Variants in LONRF1 observed in about 807,000 individuals in gnomAD.
LONRF1 encodes LON peptidase N-terminal domain and ring finger 1, also known as LON peptidase N-terminal domain and RING finger protein 1.
LONRF1 carries 37 observed loss-of-function variants against 85.8 expected under a neutral mutation model. The observed-to-expected ratio is 0.43, with a 90% CI of 0.33 to 0.57. LONRF1 has a LOEUF of 0.57. LONRF1 is among the 20% of genes least tolerant of loss of function. The pLI, the probability that LONRF1 is intolerant of heterozygous loss-of-function variation, is 0.04. For missense variants in LONRF1, 1,036 were observed against 978.0 expected (o/e 1.06, Z -0.79); for synonymous variants, 517 against 390.1 (o/e 1.33, Z -3.83).
rs117417373 is a variant in LONRF1, at chr8:12,748,245, C to T, written c.722-4963G>A. ...AAAGATCTAAGATCTCACTCTGTAG[C>T]CCAGGCTGGAGTGCAGTGGCATTAA... On this transcript the variant is annotated intron_variant, in intron 1 of 11. Transcript: ENST00000398246. Among the ~76,000 whole-genome samples, 431 of 152,280 alleles carry T rather than the reference C, an allele frequency of 2.8e-3. 4 individuals carry two copies. Among genetic ancestry groups the T allele is most frequent in the Middle Eastern group, 0.024 (7 of 294 alleles).
chr8:12,750,591 T>C (rs1329734727), intron 1 of LONRF1, among the ~76,000 whole-genome samples: 6 of 152,254 alleles, frequency 3.9e-5, no homozygotes, highest in Non-Finnish European at 7.3e-5. Context: ...AACTACTGTA[T>C]TGTTTAAATT....
intron 1 of LONRF1, among the ~76,000 whole-genome samples, chr8:12,743,701 T>C (rs970047874): frequency 6.6e-6 from 1 of 152,176 alleles, no homozygotes; most frequent in Non-Finnish European, 1.5e-5. Flanking sequence ...TAGCCATACG[T>C]GTAACTATTA....
At position 12,722,946 on chromosome 8, in the gene LONRF1, T is replaced by C; in HGVS notation, c.*150A>G. ...CTAAATCCTAGTTGAAGGTATTCAT[T>C]TGCAGAACCACATGATTCAGGAGGT... is the stretch of plus-strand genomic sequence containing the variant. On this transcript the variant is annotated 3_prime_UTR_variant, in exon 12 of 12. Transcript: ENST00000398246. 2 of 687,232 alleles carry C rather than the reference T, an allele frequency of 2.9e-6. No individual in the cohort carries two copies. The highest frequency in any genetic ancestry group is 4.8e-6 in the Non-Finnish European group (2 of 420,122). The allele number at this position is 687,232 out of a possible 1,614,324, so 42.6% of individuals were successfully genotyped here. A position where few individuals can be genotyped will look rare whatever the true frequency, so the allele number is the denominator to read the frequency against.
At chr8:12,733,693 C>A (rs960838903) in intron 7 of LONRF1, among the ~76,000 whole-genome samples, 1 of 152,016 alleles carries the variant, frequency 6.6e-6, no homozygotes, top group Non-Finnish European at 1.5e-5. Context: ...AACAAGAAAC[C>A]TTATATATCC....
At chr8:12,730,994 T>G (rs1222870669) in intron 8 of LONRF1, among the ~76,000 whole-genome samples, 2 of 151,572 alleles carry the variant, frequency 1.3e-5, no homozygotes, top group Non-Finnish European at 2.9e-5. Context: ...GTAAAAGAAA[T>G]AAAGAAATTA....
chr8:12,728,284 G>C (rs1798397301), intron 10 of LONRF1, among the ~76,000 whole-genome samples: 1 of 152,110 alleles, frequency 6.6e-6, no homozygotes, highest in African/African-American at 2.4e-5. Context: ...CCCTATTCTA[G>C]AAAGACATCA....
At chr8:12,751,312 T>TTG (rs1799392009) in intron 1 of LONRF1, among the ~76,000 whole-genome samples, 1 of 137,992 alleles carries the variant, frequency 7.2e-6, no homozygotes, top group Non-Finnish European at 1.6e-5. Flanking sequence ...TTTTTTTTTT[T>TTG]TTTTTTTTGA....
chr8:12,746,425 C>A (rs1799155334), intron 1 of LONRF1, among the ~76,000 whole-genome samples: 1 of 152,146 alleles, frequency 6.6e-6, no homozygotes, highest in Non-Finnish European at 1.5e-5. Flanking sequence ...TCCTCCCTTA[C>A]CATACCATTC....
chr8:12,727,560 G>A (rs1375217177), intron 10 of LONRF1, among the ~76,000 whole-genome samples: 2 of 152,072 alleles, frequency 1.3e-5, no homozygotes, highest in Non-Finnish European at 2.9e-5. Flanking sequence ...CTTTTAGAAT[G>A]TGATTCTATT....
chr8:12,727,070 GCTAACATACAT>G (rs751031193), intron 10 of LONRF1, among the ~76,000 whole-genome samples: 9 of 148,510 alleles, frequency 6.1e-5, no homozygotes, highest in Non-Finnish European at 1.0e-4. Context: ...TCAGGCCCCT[GCTAACATACAT>G]TGATAGGAGC....
At chr8:12,738,269 G>C in intron 3 of LONRF1, 125 bp from the exon 4 acceptor site, 1 of 634,642 alleles carries the variant, frequency 1.6e-6, no homozygotes, top group Non-Finnish European at 2.5e-6. Context: ...ATGAGCAGGA[G>C]GGGAACAAGG....
At chr8:12,738,250 A>T in intron 3 of LONRF1, 106 bp from the exon 4 acceptor site, 1 of 755,722 alleles carries the variant, frequency 1.3e-6, no homozygotes, top group Non-Finnish European at 2.0e-6. Context: ...TGTAGCAGAC[A>T]TTTTTTTAAT....
Position 12,728,894 on chromosome 8 carries a change from A to T in LONRF1, c.2010+7T>A, listed in dbSNP as rs1449869997. On this transcript the variant is annotated splice_region_variant and intron_variant, in intron 10 of 11. Coordinates refer to ENST00000398246, the MANE Select transcript of LONRF1 (RefSeq NM_152271.5). ...AAAGTATGCTGGCAAAGCACATTTT[A>T]AAATACCTTAACATCTTCCAGATAT... The T allele has an allele frequency of 6.2e-7, 1 of 1,613,612 alleles. No individual in the cohort carries two copies. Among genetic ancestry groups the T allele is most frequent in the East Asian group, 2.2e-5 (1 of 44,888 alleles).
chr8:12,736,596 C>T (rs377388281), intron 6 of LONRF1, 105 bp downstream of exon 6: 1 of 759,734 alleles, frequency 1.3e-6, no homozygotes, highest in Non-Finnish European at 2.0e-6. Flanking sequence ...GATTTTTATT[C>T]CAGCATTGTG....
At chr8:12,750,111 A>G (rs999952063) in intron 1 of LONRF1, among the ~76,000 whole-genome samples, 4 of 152,228 alleles carry the variant, frequency 2.6e-5, no homozygotes, top group African/African-American at 9.6e-5. Context: ...TTCCCTTAAG[A>G]AAGTCACCCA....
rs769143379 is a variant in LONRF1, at chr8:12,740,855, T to C, written c.963+19A>G. 7.4e-6 allele frequency: 12 copies of C among 1,611,958 alleles called. No individual in the cohort carries two copies. The highest frequency in any genetic ancestry group is 1.6e-4 in the Middle Eastern group (1 of 6,066). On this transcript the variant is annotated intron_variant, in intron 3 of 11. Coordinates refer to ENST00000398246, the MANE Select transcript of LONRF1 (RefSeq NM_152271.5). ...CTCTTAGCCCTACCATGAACTGTAA[T>C]TGTTGGTAAACTGATTACCTTTTGT...
chr8:12,746,847 A>C (rs75232548), intron 1 of LONRF1, among the ~76,000 whole-genome samples: 1 of 152,232 alleles, frequency 6.6e-6, no homozygotes, highest in Non-Finnish European at 1.5e-5. Flanking sequence ...CCATGCTATT[A>C]ATATGTTGGT....
At chr8:12,728,498 G>A (rs941357168) in intron 10 of LONRF1, among the ~76,000 whole-genome samples, 2 of 152,036 alleles carry the variant, frequency 1.3e-5, no homozygotes, top group Non-Finnish European at 2.9e-5. Flanking sequence ...TAATTCCATC[G>A]GCTTCAACTA....
At chr8:12,734,755 G>A (rs892624667) in intron 7 of LONRF1, among the ~76,000 whole-genome samples, 21 of 152,266 alleles carry the variant, frequency 1.4e-4, no homozygotes, top group African/African-American at 4.1e-4. Context: ...TTAAATTTAA[G>A]TTAATAAAAT....
Sources: gnomAD v4.1 joint callset for allele counts (sites outside exome capture counted in the v4.1 genomes callset) on GRCh38, gnomAD v4.1.1 for gene constraint, MANE v1.5 for transcripts, NCBI Gene and HGNC (gene_info 2026-07-23, HGNC 2026-07-21) for gene names.